PIP5K1B: variants seen among roughly 807,000 people sequenced by gnomAD.
PIP5K1B encodes the protein phosphatidylinositol 4-phosphate 5-kinase type-1 beta.
PIP5K1B carries 42 observed loss-of-function variants against 67.0 expected under a neutral mutation model. That is an observed-to-expected ratio of 0.63 (90% CI 0.49 to 0.81). PIP5K1B has a LOEUF of 0.81. Ranked by LOEUF, PIP5K1B falls within the 30% of genes least tolerant of loss-of-function variation. PIP5K1B has a pLI of 0.00. For synonymous variants in PIP5K1B, 214 were observed against 231.4 expected, an observed-to-expected ratio of 0.92 and a Z score of 0.68; for missense variants, 459 against 646.3, an observed-to-expected ratio of 0.71 and a Z score of 3.14.
intron 6 of PIP5K1B, among the ~76,000 whole-genome samples, chr9:68,877,662 AT>A (rs1823966574): frequency 1.3e-5 from 2 of 152,230 alleles, no homozygotes; most frequent in Non-Finnish European, 2.9e-5. Context: ...GCATCTTATA[AT>A]TTGGATAAGA....
chr9:68,849,589 C>T (rs905644759), intron 4 of PIP5K1B, among the ~76,000 whole-genome samples: 4 of 152,190 alleles, frequency 2.6e-5, no homozygotes, highest in Admixed American at 6.5e-5. Flanking sequence ...TGGTCTTGAA[C>T]TCCTGAGCTC....
At chr9:68,862,822 A>AATATAT (rs10573796) in intron 4 of PIP5K1B, among the ~76,000 whole-genome samples, 102 of 144,428 alleles carry the variant, frequency 7.1e-4, no homozygotes, top group African/African-American at 1.1e-3. Flanking sequence ...TAAATAAATA[A>AATATAT]ATATATATAT....
intron 14 of PIP5K1B, among the ~76,000 whole-genome samples, chr9:68,944,280 T>G (rs1014069085): frequency 6.6e-6 from 1 of 152,228 alleles, no homozygotes; most frequent in African/African-American, 2.4e-5. Flanking sequence ...GAGGTATAAA[T>G]TGAGCACTAA....
intron 12 of PIP5K1B, among the ~76,000 whole-genome samples, chr9:68,928,335 A>G (rs898066197): frequency 1.3e-5 from 2 of 152,162 alleles, no homozygotes; most frequent in Admixed American, 6.5e-5. Context: ...TTCTGGGGGA[A>G]AAAGGGTAGC....
intron 4 of PIP5K1B, among the ~76,000 whole-genome samples, chr9:68,842,438 G>C (rs920917600): frequency 6.6e-6 from 1 of 152,322 alleles, no homozygotes; most frequent in African/African-American, 2.4e-5. Flanking sequence ...CAAAATGTGA[G>C]TTAAAACTGT....
chr9:68,848,314 G>A (rs1345774213), intron 4 of PIP5K1B, among the ~76,000 whole-genome samples: 1 of 152,100 alleles, frequency 6.6e-6, no homozygotes, highest in Non-Finnish European at 1.5e-5. Flanking sequence ...CTTACTTCAG[G>A]GAAGCCCATC....
chr9:68,856,833 G>A (rs1468723748), intron 4 of PIP5K1B, among the ~76,000 whole-genome samples: 1 of 152,194 alleles, frequency 6.6e-6, no homozygotes, highest in Non-Finnish European at 1.5e-5. Context: ...GTAGAGGAGT[G>A]TGATCCACAG....
Position 68,917,800 on chromosome 9 carries a change from C to T in PIP5K1B, c.983+41C>T. On this transcript the variant is annotated intron_variant, in intron 9 of 15. Transcript: ENST00000265382. ...CACCTACCCACCCTCTTGACTGTGG[C>T]AGCCCACGTCACTGGGTAATTATAG... 2.1e-6 allele frequency: 3 copies of T among 1,409,890 alleles called. No homozygotes were observed. The South Asian group carries it at 3.5e-5, about 16-fold the overall frequency. The allele number at this position is 1,409,890 out of a possible 1,614,324, so 87.3% of individuals were successfully genotyped here. A position where few individuals can be genotyped will look rare whatever the true frequency, so the allele number is the denominator to read the frequency against.
intron 12 of PIP5K1B, among the ~76,000 whole-genome samples, chr9:68,928,760 C>T (rs1195433373): frequency 6.6e-6 from 1 of 152,212 alleles, no homozygotes; most frequent in Non-Finnish European, 1.5e-5. Context: ...AAGGTGATTC[C>T]TATCTACTTT....
At chr9:68,875,420 A>G (rs1447798735) in intron 5 of PIP5K1B, among the ~76,000 whole-genome samples, 1 of 151,200 alleles carries the variant, frequency 6.6e-6, no homozygotes, top group Non-Finnish European at 1.5e-5. Context: ...ACCTGTGACT[A>G]TGCTGAATTT....
At chr9:68,917,048 G>A (rs1001724522) in intron 8 of PIP5K1B, among the ~76,000 whole-genome samples, 2 of 152,174 alleles carry the variant, frequency 1.3e-5, no homozygotes, top group African/African-American at 2.4e-5. Context: ...GAGACTATTG[G>A]TTGTTGGTTT....
chr9:68,708,834 G>T (rs4744680), intron 1 of PIP5K1B, among the ~76,000 whole-genome samples: 109,469 of 152,058 alleles, frequency 0.72, 40,103 homozygotes, highest in African/African-American at 0.86. Flanking sequence ...AGAATGATAA[G>T]AAAGAATATA....
intron 9 of PIP5K1B, among the ~76,000 whole-genome samples, chr9:68,918,315 C>T (rs1282147178): frequency 6.6e-6 from 1 of 152,132 alleles, no homozygotes; most frequent in Non-Finnish European, 1.5e-5. Context: ...GTCTCAAACT[C>T]CTGGCCTCAT....
At chr9:68,988,835 G>A (rs1830224334) in intron 14 of PIP5K1B, among the ~76,000 whole-genome samples, 1 of 151,946 alleles carries the variant, frequency 6.6e-6, no homozygotes, top group Non-Finnish European at 1.5e-5. Context: ...GGTGGCTCAT[G>A]CCTGTAGTCC....
intron 2 of PIP5K1B, among the ~76,000 whole-genome samples, chr9:68,763,379 C>T (rs1348988012): frequency 1.3e-5 from 2 of 152,078 alleles, no homozygotes; most frequent in Non-Finnish European, 2.9e-5. Flanking sequence ...AACAACACTA[C>T]CTACCTTGTG....
chr9:68,842,226 C>A (rs371254583), intron 4 of PIP5K1B, among the ~76,000 whole-genome samples: 1 of 152,182 alleles, frequency 6.6e-6, no homozygotes, highest in Admixed American at 6.5e-5. Context: ...TGAGTGCCTA[C>A]GTGCACATGT....
intron 4 of PIP5K1B, among the ~76,000 whole-genome samples, chr9:68,823,230 ACAT>A (rs1833816500): frequency 6.6e-6 from 1 of 152,174 alleles, no homozygotes; most frequent in Non-Finnish European, 1.5e-5. Flanking sequence ...TTAGAAGGTG[ACAT>A]ATTCACAGGT....
At chr9:68,814,827 T>G (rs576053219) in intron 2 of PIP5K1B, among the ~76,000 whole-genome samples, 2 of 152,036 alleles carry the variant, frequency 1.3e-5, no homozygotes, top group East Asian at 3.9e-4. Context: ...CTCAAAAAAA[T>G]TAATAATAAT....
At chr9:68,779,360 G>A (rs1417741696) in intron 2 of PIP5K1B, among the ~76,000 whole-genome samples, 1 of 152,046 alleles carries the variant, frequency 6.6e-6, no homozygotes, top group African/African-American at 2.4e-5. Flanking sequence ...AACCTAAATA[G>A]TTCTCAGATT....
Sources: gnomAD v4.1 joint callset for allele counts (sites outside exome capture counted in the v4.1 genomes callset) on GRCh38, gnomAD v4.1.1 for gene constraint, MANE v1.5 for transcripts, NCBI Gene and HGNC (gene_info 2026-07-23, HGNC 2026-07-21) for gene names.